CORO2B: variants seen among roughly 807,000 people sequenced by gnomAD.
CORO2B encodes the protein coronin-2B.
Under a neutral mutation model 58.8 loss-of-function variants are expected in CORO2B, and 26 were observed. The ratio of observed to expected loss-of-function variants is 0.44; its 90% CI spans 0.32 to 0.61. The LOEUF is 0.61. Ranked by LOEUF, CORO2B falls within the 20% of genes least tolerant of loss-of-function variation. The pLI is 0.04. For missense variants in CORO2B, 460 were observed against 645.1 expected, an observed-to-expected ratio of 0.71 and a Z score of 3.11; for synonymous variants, 242 against 253.8, an observed-to-expected ratio of 0.95 and a Z score of 0.44.
At chr15:68,631,705 G>A (rs982571395) in intron 1 of CORO2B, among the ~76,000 whole-genome samples, 1 of 152,196 alleles carries the variant, frequency 6.6e-6, no homozygotes, top group Non-Finnish European at 1.5e-5. Flanking sequence ...AGGGGGCAGG[G>A]TGGCAGCCAG....
intron 8 of CORO2B, among the ~76,000 whole-genome samples, chr15:68,716,663 C>T (rs556649456): frequency 2.1e-4 from 32 of 152,196 alleles, no homozygotes; most frequent in African/African-American, 7.5e-4. Flanking sequence ...GGGAAGGCCT[C>T]TCTGTGATGA....
chr15:68,589,869 C>T (rs1020758337), intron 1 of CORO2B, among the ~76,000 whole-genome samples: 1 of 152,202 alleles, frequency 6.6e-6, no homozygotes, highest in Non-Finnish European at 1.5e-5. Flanking sequence ...GGAGCAACTT[C>T]GGAGCCCTTT....
chr15:68,563,590 A>T, the CORO2B span, among the ~76,000 whole-genome samples: 5 of 152,108 alleles, frequency 3.3e-5, no homozygotes, highest in East Asian at 9.6e-4. Flanking sequence ...AAAATCAATG[A>T]AAACAAAAGC....
the CORO2B span, among the ~76,000 whole-genome samples, chr15:68,559,801 C>T: frequency 1.3e-5 from 2 of 152,206 alleles, no homozygotes; most frequent in Non-Finnish European, 1.5e-5. This position sits in a 1 kb window ranked among gnomAD's most constrained non-coding sequence, Gnocchi z 4.3. Context: ...CCGCATCCTT[C>T]CTCGGAGCTG....
the CORO2B span, among the ~76,000 whole-genome samples, chr15:68,540,205 A>G: frequency 6.6e-6 from 1 of 152,220 alleles, no homozygotes; most frequent in Admixed American, 6.5e-5. Flanking sequence ...GATCACCTGG[A>G]AAATATTAGT....
At chr15:68,672,628 G>A (rs892695278) in intron 2 of CORO2B, among the ~76,000 whole-genome samples, 3 of 152,238 alleles carry the variant, frequency 2.0e-5, no homozygotes, top group Non-Finnish European at 4.4e-5. Flanking sequence ...GAATTCATCT[G>A]ACTCTCAAAA....
At chr15:68,540,603 GCAGAGC>G in the CORO2B span, among the ~76,000 whole-genome samples, 1 of 152,222 alleles carries the variant, frequency 6.6e-6, no homozygotes, top group Non-Finnish European at 1.5e-5. Flanking sequence ...TTTGTATGCA[GCAGAGC>G]TGCTGTATAC....
chr15:68,700,015 G>A (rs1053103809), intron 3 of CORO2B, among the ~76,000 whole-genome samples: 3 of 152,200 alleles, frequency 2.0e-5, no homozygotes, highest in African/African-American at 4.8e-5. Context: ...GGGGTGGGGC[G>A]TAAAGGAAAT....
chr15:68,550,918 C>A, the CORO2B span, among the ~76,000 whole-genome samples: 1 of 152,214 alleles, frequency 6.6e-6, no homozygotes, highest in Admixed American at 6.5e-5. Context: ...GAGGGGGACA[C>A]CTGAGCCTCC....
chr15:68,615,179 G>A lies in CORO2B; in HGVS notation c.16-29981G>A, dbSNP rs560671787. On this transcript the variant is annotated intron_variant, in intron 1 of 11. Coordinates refer to ENST00000261861, the MANE Select transcript of CORO2B (RefSeq NM_006091.5). ...CTCCACCTCCCAGGGCTCCTAGGCC[G>A]GCTCAGGATGCACTGCTTGGTCATT... is the stretch of plus-strand genomic sequence containing the variant. Among the ~76,000 whole-genome samples, 48 of 152,308 alleles carry A rather than the reference G, an allele frequency of 3.2e-4. No homozygotes were observed. The South Asian group carries it at 5.2e-3, about 16-fold the overall frequency.
chr15:68,610,526 C>T (rs1382389904), intron 1 of CORO2B, among the ~76,000 whole-genome samples: 1 of 152,068 alleles, frequency 6.6e-6, no homozygotes, highest in East Asian at 1.9e-4. Flanking sequence ...CCTCATACAT[C>T]CTCTCTCCCC....
intron 2 of CORO2B, among the ~76,000 whole-genome samples, chr15:68,689,597 A>C (rs1892305088): frequency 6.6e-6 from 1 of 152,234 alleles, no homozygotes; most frequent in African/African-American, 2.4e-5. Flanking sequence ...ATGAGAAAAC[A>C]GTATTGTGTA....
Position 68,645,227 on chromosome 15 carries a change from A to C in CORO2B, c.83A>C (p.Glu28Ala). Residue 28 changes from glutamate to alanine, a missense_variant, in exon 2 of 12, where the codon GAG becomes GCG. Glu to Ala is a moderately radical substitution (Grantham distance 107). Transcript: ENST00000261861. The surrounding 1 kb of genome is among the most constrained non-coding windows in gnomAD (Gnocchi z 4.5). Reference sequence around the variant, plus strand: ...GTCTACGGGAAGGTGGCCAACCGGGAGCACTGCTTCGATGGGATCCCCATC... The same window carrying C: ...GTCTACGGGAAGGTGGCCAACCGGGCGCACTGCTTCGATGGGATCCCCATC... ...RNVYGKVANR[E>A]HCFDGIPITK... 1 of 1,614,098 alleles carries C rather than the reference A, an allele frequency of 6.2e-7. No homozygotes were observed. The highest frequency in any genetic ancestry group is 8.5e-7 in the Non-Finnish European group (1 of 1,180,002).
chr15:68,523,534 G>T, the CORO2B span, among the ~76,000 whole-genome samples: 1 of 152,132 alleles, frequency 6.6e-6, no homozygotes, highest in Admixed American at 6.5e-5. Context: ...ACCATGAAAG[G>T]TTTCCCAACT....
intron 1 of CORO2B, among the ~76,000 whole-genome samples, chr15:68,605,715 T>G (rs951765221): frequency 1.7e-5 from 2 of 120,186 alleles, no homozygotes; most frequent in Non-Finnish European, 3.7e-5. Flanking sequence ...TCTTGGGTTT[T>G]TTTTTTTTTT....
intron 1 of CORO2B, among the ~76,000 whole-genome samples, chr15:68,590,943 G>A (rs920604355): frequency 3.3e-5 from 5 of 152,162 alleles, no homozygotes; most frequent in Admixed American, 2.0e-4. Context: ...CCCTACCCTT[G>A]TGCAAATAAA....
At chr15:68,671,379 C>T (rs376388273) in intron 2 of CORO2B, among the ~76,000 whole-genome samples, 9 of 152,272 alleles carry the variant, frequency 5.9e-5, no homozygotes, top group African/African-American at 2.2e-4. Context: ...TGTAGACCCA[C>T]ATATGAGCCA....
rs575072892 is a variant in CORO2B at position 68,725,870 on chromosome 15, G to A, written c.1339G>A (p.Asp447Asn). The change falls in exon 12 of 12, where the codon GAT (aspartate) becomes AAT (asparagine). Residue 447 changes from aspartate (D) to asparagine (N), a missense_variant. This residue lies in a region of CORO2B where 108 missense variants were observed against 102.1 expected (regional missense o/e 1.06). Transcript: ENST00000261861. ...CCTTCGAATGTTCTTCCGGCAGCAG[G>A]ATGAGATTCGACGGTTGAAAGAGGA... ...ELLRMFFRQQDEIRRLKEELA... is the reference protein window; with the variant it reads ...ELLRMFFRQQNEIRRLKEELA... The A allele has an allele frequency of 4.3e-6, 7 of 1,613,976 alleles. No individual in the cohort carries two copies. In the South Asian group the frequency reaches 6.6e-5, roughly 15 times the overall value.
At chr15:68,715,420 G>C (rs986650386) in intron 8 of CORO2B, 109 bp downstream of exon 8, 6 of 754,804 alleles carry the variant, frequency 7.9e-6, no homozygotes, top group Admixed American at 7.7e-5. Context: ...GAAGGCCATA[G>C]CACATGGGCA....
Sources: allele counts gnomAD v4.1 joint callset (sites outside exome capture counted in the v4.1 genomes callset), GRCh38; gene constraint gnomAD v4.1.1; regional missense constraint gnomAD v4.1.1; non-coding constraint Gnocchi (gnomAD v3.1); transcripts MANE v1.5; gene names NCBI Gene and HGNC (gene_info 2026-07-23, HGNC 2026-07-21).